Variants in CADM2 observed in about 807,000 individuals in gnomAD.
CADM2 encodes the protein immunoglobulin superfamily member 4D.
A neutral mutation model predicts 49.8 loss-of-function variants in CADM2; 12 were observed. The ratio of observed to expected loss-of-function variants is 0.24; its 90% confidence interval spans 0.15 to 0.39. The LOEUF (loss-of-function observed/expected upper bound fraction) is 0.39. Ranked by LOEUF, CADM2 falls within the 10% of genes least tolerant of loss-of-function variation. CADM2 has a pLI of 1.00. For missense variants in CADM2, 378 were observed against 492.3 expected (o/e 0.77, Z 2.20); for synonymous variants, 214 against 175.4 (o/e 1.22, Z -1.74).
At chr3:85,957,992 C>T (rs1369496063) in intron 7 of CADM2, among the ~76,000 whole-genome samples, 1 of 151,918 alleles carries the variant, frequency 6.6e-6, no homozygotes, top group Non-Finnish European at 1.5e-5. Flanking sequence ...AAAATACTAT[C>T]ATCAGAGTGA....
intron 1 of CADM2, among the ~76,000 whole-genome samples, chr3:85,547,852 A>G (rs572702020): frequency 3.2e-4 from 49 of 152,266 alleles, no homozygotes; most frequent in African/African-American, 1.0e-3. Context: ...AGCACAAGTC[A>G]TCTACACAGT....
chr3:85,335,339 T>G (rs1239984311), intron 1 of CADM2, among the ~76,000 whole-genome samples: 1 of 151,418 alleles, frequency 6.6e-6, no homozygotes, highest in African/African-American at 2.4e-5. Flanking sequence ...AATAAACACT[T>G]TATTTGATTT....
chr3:85,339,574 T>C (rs901506405), intron 1 of CADM2, among the ~76,000 whole-genome samples: 4 of 151,352 alleles, frequency 2.6e-5, no homozygotes, highest in Non-Finnish European at 4.4e-5. Flanking sequence ...TCATCTTTTC[T>C]TCAGGTATCA....
chr3:85,874,446 G>A (rs1289229832), intron 3 of CADM2, among the ~76,000 whole-genome samples: 1 of 152,122 alleles, frequency 6.6e-6, no homozygotes, highest in Non-Finnish European at 1.5e-5. Flanking sequence ...ATAATAGCAT[G>A]ACATATAATC....
chr3:86,000,962 G>A (rs904240038), intron 8 of CADM2, among the ~76,000 whole-genome samples: 1 of 152,064 alleles, frequency 6.6e-6, no homozygotes, highest in Non-Finnish European at 1.5e-5. Context: ...CAGAGGGGAT[G>A]GTGGGAGAAA....
At chr3:85,990,375 A>C (rs2108699633) in intron 8 of CADM2, among the ~76,000 whole-genome samples, 1 of 152,218 alleles carries the variant, frequency 6.6e-6, no homozygotes, top group African/African-American at 2.4e-5. Context: ...GCTAAACTGT[A>C]ATGTTCAGTA....
intron 8 of CADM2, among the ~76,000 whole-genome samples, chr3:86,044,947 A>T (rs1428331946): frequency 1.3e-5 from 2 of 151,888 alleles, no homozygotes; most frequent in Non-Finnish European, 2.9e-5. Flanking sequence ...TTCTCAGCAA[A>T]GTATGGCAAG....
At chr3:85,234,593 C>T (rs2042370518) in intron 1 of CADM2, among the ~76,000 whole-genome samples, 1 of 152,128 alleles carries the variant, frequency 6.6e-6, no homozygotes, top group Admixed American at 6.6e-5. Flanking sequence ...TTGCCAACTG[C>T]TGTATATCAA....
chr3:85,701,597 T>C (rs1201806378), intron 1 of CADM2, among the ~76,000 whole-genome samples: 2 of 152,142 alleles, frequency 1.3e-5, no homozygotes, highest in Non-Finnish European at 2.9e-5. Flanking sequence ...TTTGCAGCCA[T>C]GGTTTAGAAT....
intron 1 of CADM2, among the ~76,000 whole-genome samples, chr3:85,684,049 C>T (rs557340700): frequency 2.6e-4 from 40 of 152,068 alleles, no homozygotes; most frequent in Non-Finnish European, 4.4e-4. Context: ...ATGTTCCCAC[C>T]GATTGGTGGA....
chr3:85,531,915 C>T (rs199820936), intron 1 of CADM2, among the ~76,000 whole-genome samples: 8 of 152,120 alleles, frequency 5.3e-5, no homozygotes, highest in African/African-American at 1.9e-4. Context: ...CGGTGGCTCA[C>T]GCCTGTAATC....
At chr3:86,014,927 T>C in intron 8 of CADM2, 3 of 1,506,120 alleles carry the variant, frequency 2.0e-6, no homozygotes, top group South Asian at 2.3e-5. Context: ...ATGAGTGGTA[T>C]GAAAATGGAC....
intron 1 of CADM2, among the ~76,000 whole-genome samples, chr3:85,534,722 A>T (rs1180259607): frequency 6.6e-6 from 1 of 152,196 alleles, no homozygotes; most frequent in African/African-American, 2.4e-5. Context: ...TAAGGTGAAT[A>T]GCTCTTGACC....
intron 1 of CADM2, among the ~76,000 whole-genome samples, chr3:85,086,709 A>G (rs1156701409): frequency 1.3e-5 from 2 of 151,938 alleles, no homozygotes; most frequent in African/African-American, 4.8e-5. Flanking sequence ...CGGTTTCACC[A>G]TGTTGGCCAG....
chr3:85,798,850 A>G (rs1180307103), intron 2 of CADM2, among the ~76,000 whole-genome samples: 1 of 152,110 alleles, frequency 6.6e-6, no homozygotes, highest in African/African-American at 2.4e-5. Flanking sequence ...GAATCTATAA[A>G]TTACTTTGGA....
chr3:85,954,747 A>C (rs2108596192), intron 7 of CADM2, among the ~76,000 whole-genome samples: 1 of 151,366 alleles, frequency 6.6e-6, no homozygotes, highest in African/African-American at 2.4e-5. Context: ...TTTGTCAATT[A>C]ATTTACATTT....
At chr3:85,398,293 G>A (rs1238661633) in intron 1 of CADM2, among the ~76,000 whole-genome samples, 1 of 151,720 alleles carries the variant, frequency 6.6e-6, no homozygotes, top group Non-Finnish European at 1.5e-5. Flanking sequence ...TGCTGACAAT[G>A]ATGGTTTCCA....
chr3:85,279,288 G>C (rs2043441032), intron 1 of CADM2, among the ~76,000 whole-genome samples: 1 of 151,418 alleles, frequency 6.6e-6, no homozygotes, highest in Non-Finnish European at 1.5e-5. Flanking sequence ...GAATTGCTTT[G>C]AGTACATTGT....
At chr3:85,395,674 A>G (rs1454689884) in intron 1 of CADM2, among the ~76,000 whole-genome samples, 1 of 152,114 alleles carries the variant, frequency 6.6e-6, no homozygotes, top group Non-Finnish European at 1.5e-5. Flanking sequence ...AGCATTTCAT[A>G]TATCATCTTG....
Sources: gnomAD v4.1 joint callset for allele counts (sites outside exome capture counted in the v4.1 genomes callset) on GRCh38, gnomAD v4.1.1 for gene constraint, MANE v1.5 for transcripts, NCBI Gene and HGNC (gene_info 2026-07-23, HGNC 2026-07-21) for gene names.